UPP2: variants seen among roughly 807,000 people sequenced by gnomAD.
UPP2 encodes UPase 2.
Under a neutral mutation model 26.7 loss-of-function variants are expected in UPP2, and 23 were observed. The ratio of observed to expected loss-of-function variants is 0.86; its 90% confidence interval spans 0.62 to 1.22. UPP2 has a LOEUF of 1.22. UPP2 is among the 50% of genes most tolerant of loss of function. The pLI is 0.00. For synonymous variants in UPP2, 127 were observed against 141.3 expected, an observed-to-expected ratio of 0.90 and a Z score of 0.72; for missense variants, 387 against 396.7, an observed-to-expected ratio of 0.98 and a Z score of 0.21.
chr2:158,113,178 A>C (rs576090013), intron 2 of UPP2, among the ~76,000 whole-genome samples: 7 of 152,228 alleles, frequency 4.6e-5, no homozygotes, highest in Non-Finnish European at 1.0e-4. Context: ...CGATTATAGC[A>C]ATATCTACAG....
At chr2:158,070,583 T>C (rs1682522387) in intron 3 of UPP2, among the ~76,000 whole-genome samples, 1 of 152,218 alleles carries the variant, frequency 6.6e-6, no homozygotes, top group Non-Finnish European at 1.5e-5. Context: ...ACTAAAAATA[T>C]TAATTAAGCC....
chr2:158,113,491 G>C (rs1683361068), intron 2 of UPP2, among the ~76,000 whole-genome samples: 1 of 152,132 alleles, frequency 6.6e-6, no homozygotes, highest in African/African-American at 2.4e-5. Context: ...ACTAGCTTAA[G>C]GCTTCATCAG....
At chr2:158,059,599 A>G (rs779137764) in intron 3 of UPP2, among the ~76,000 whole-genome samples, 16 of 152,226 alleles carry the variant, frequency 1.1e-4, no homozygotes, top group Admixed American at 4.6e-4. Flanking sequence ...GACTTTGGTC[A>G]TATTGGGCAA....
intron 6 of UPP2, among the ~76,000 whole-genome samples, chr2:158,134,479 T>C (rs1231607834): frequency 1.3e-5 from 2 of 152,230 alleles, no homozygotes; most frequent in Non-Finnish European, 1.5e-5. Flanking sequence ...CATGATGCTT[T>C]CCTGAGCCTT....
chr2:158,018,155 G>A (rs1416655324), intron 3 of UPP2, among the ~76,000 whole-genome samples: 3 of 152,216 alleles, frequency 2.0e-5, no homozygotes, highest in African/African-American at 7.2e-5. Flanking sequence ...CCTCTCGTAT[G>A]TGGTGTCATA....
At chr2:158,074,696 C>CAT (rs1682602167) in intron 3 of UPP2, among the ~76,000 whole-genome samples, 1 of 148,936 alleles carries the variant, frequency 6.7e-6, no homozygotes, top group African/African-American at 2.5e-5. Context: ...TTCATACACA[C>CAT]ACACACACAC....
chr2:158,009,870 C>T (rs1047546477), intron 2 of UPP2, among the ~76,000 whole-genome samples: 1 of 152,236 alleles, frequency 6.6e-6, no homozygotes, highest in Non-Finnish European at 1.5e-5. Context: ...TGCAGGGTTA[C>T]TTTCCTCTTG....
intron 3 of UPP2, among the ~76,000 whole-genome samples, chr2:158,021,204 G>A (rs1459570323): frequency 6.6e-6 from 1 of 152,188 alleles, no homozygotes; most frequent in Non-Finnish European, 1.5e-5. Flanking sequence ...TATGGGTCTT[G>A]CACTTCTAAA....
At chr2:158,012,831 AAAC>A (rs2105142458) in intron 2 of UPP2, among the ~76,000 whole-genome samples, 1 of 152,308 alleles carries the variant, frequency 6.6e-6, no homozygotes, top group Admixed American at 6.5e-5. Flanking sequence ...ACTTTAAACA[AAAC>A]AATAATTACA....
At chr2:158,036,656 T>C (rs999954719) in intron 3 of UPP2, among the ~76,000 whole-genome samples, 1 of 152,200 alleles carries the variant, frequency 6.6e-6, no homozygotes, top group Non-Finnish European at 1.5e-5. Context: ...AATCAATCAA[T>C]GATAGATTGT....
At chr2:158,017,554 A>C (rs1037199227) in intron 3 of UPP2, among the ~76,000 whole-genome samples, 1 of 152,252 alleles carries the variant, frequency 6.6e-6, no homozygotes, top group Non-Finnish European at 1.5e-5. Flanking sequence ...AGTTGAAACA[A>C]GGATTCAAAA....
chr2:158,086,804 G>C lies in UPP2; in HGVS notation c.148-15236G>C, dbSNP rs534765346. Among the ~76,000 whole-genome samples the C allele has an allele frequency of 5.9e-5, 9 of 152,084 alleles. No individual in the cohort carries two copies. In the South Asian group the frequency reaches 1.7e-3, roughly 28 times the overall value. On this transcript the variant is annotated intron_variant, in intron 3 of 9. Coordinates refer to the UPP2 transcript ENST00000605860. ...TTGCAGGTATTTGCATGGTTTTGAA[G>C]GTTCCTTTTTGAGTTGATATCCAAT...
At chr2:158,105,522 T>C (rs1683173704) in intron 1 of UPP2, among the ~76,000 whole-genome samples, 1 of 152,160 alleles carries the variant, frequency 6.6e-6, no homozygotes, top group African/African-American at 2.4e-5. Flanking sequence ...ACTCACTGAA[T>C]CAGAATTTCC....
At chr2:158,121,901 T>C (rs987416768) in intron 5 of UPP2, among the ~76,000 whole-genome samples, 9 of 152,120 alleles carry the variant, frequency 5.9e-5, no homozygotes, top group African/African-American at 2.2e-4. Context: ...TTTATGCCTT[T>C]AACTTAAATT....
chr2:158,093,721 T>C (rs137889975), intron 3 of UPP2, among the ~76,000 whole-genome samples: 145 of 152,212 alleles, frequency 9.5e-4, no homozygotes, highest in African/African-American at 3.3e-3. Context: ...ATCAGATTTA[T>C]TGGCAACAAT....
chr2:158,116,115 G>A (rs1472284228), intron 3 of UPP2, among the ~76,000 whole-genome samples: 1 of 152,184 alleles, frequency 6.6e-6, no homozygotes, highest in Non-Finnish European at 1.5e-5. Flanking sequence ...AAAACCTGCG[G>A]TAAAGAAGGG....
At chr2:158,083,699 T>G (rs555496555) in intron 3 of UPP2, among the ~76,000 whole-genome samples, 1 of 151,668 alleles carries the variant, frequency 6.6e-6, no homozygotes. Flanking sequence ...GAACTTAAAG[T>G]ATAATTAAAA....
intron 3 of UPP2, among the ~76,000 whole-genome samples, chr2:158,086,697 A>G (rs1682823376): frequency 6.6e-6 from 1 of 151,962 alleles, no homozygotes; most frequent in Non-Finnish European, 1.5e-5. Context: ...TGTCACTATT[A>G]TCTTTCAGTT....
chr2:158,029,812 T>A lies in UPP2; in HGVS notation c.147+13926T>A, dbSNP rs528833664. ...TCTCGTTTCTTTTTTTTTTTTTTTT[T>A]AAAACACTATTTAGGAAAGATACAT... On this transcript the variant is annotated intron_variant, in intron 3 of 9. Transcript: ENST00000605860. Among the ~76,000 whole-genome samples the A allele has an allele frequency of 5.8e-4, 86 of 148,594 alleles. 2 individuals are homozygous for A. Among genetic ancestry groups the A allele is most frequent in the South Asian group, 5.5e-3 (26 of 4,700 alleles).
Sources: gnomAD v4.1 joint callset for allele counts (sites outside exome capture counted in the v4.1 genomes callset) on GRCh38, gnomAD v4.1.1 for gene constraint, MANE v1.5 for transcripts, NCBI Gene and HGNC (gene_info 2026-07-23, HGNC 2026-07-21) for gene names.